PRDM13: variants seen among roughly 807,000 people sequenced by gnomAD.
The protein encoded by PRDM13 is PR domain zinc finger protein 13.
In PRDM13, 15 loss-of-function variants were observed where a neutral mutation model predicts 36.4. The ratio of observed to expected loss-of-function variants is 0.41; its 90% CI spans 0.28 to 0.64. PRDM13 has a LOEUF of 0.64. PRDM13 is among the 30% of genes least tolerant of loss of function. The pLI is 0.29. For synonymous variants in PRDM13, 531 were observed against 467.7 expected (o/e 1.14, Z -1.75); for missense variants, 1,044 against 1,013.5 (o/e 1.03, Z -0.41).
rs754692246 is a variant in PRDM13 at position 99,613,848 on chromosome 6, G to C, written c.1213G>C (p.Val405Leu). The stretch of plus-strand genomic sequence containing the variant: ...GGAAGAGGCGTCCGCCTTCAAGCAC[G>C]TGGAGCGCGCCCCGCCCGCAGCCGC... ...PPEEASAFKHVERAPPAAAAL... is the reference protein window; with the variant it reads ...PPEEASAFKHLERAPPAAAAL... Residue 405 changes from valine to leucine, a missense_variant, in exon 4 of 4, where the codon GTG becomes CTG. Physicochemically the swap from Val to Leu is conservative, Grantham distance 32. Coordinates refer to ENST00000369215, the MANE Select transcript of PRDM13 (RefSeq NM_021620.4). This position sits in a 1 kb window ranked among gnomAD's most constrained non-coding sequence, Gnocchi z 6.1. 6.6e-7 allele frequency: 1 copy of C among 1,510,068 alleles called. No individual in the cohort carries two copies. Among genetic ancestry groups the C allele is most frequent in the South Asian group, 1.2e-5 (1 of 81,068 alleles). 93.5% of individuals were successfully genotyped at this position (1,510,068 alleles called of 1,614,324 possible).
intron 1 of PRDM13, among the ~76,000 whole-genome samples, chr6:99,607,587 C>T (rs1424987667): frequency 6.6e-6 from 1 of 152,180 alleles, no homozygotes; most frequent in Non-Finnish European, 1.5e-5. Context: ...CCCTTCTGCC[C>T]TTCAATATGT....
chr6:99,613,580 G>C lies in PRDM13; in HGVS notation c.945G>C (p.Glu315Asp). Residue 315 changes from glutamate (E) to aspartate (D), a missense_variant, in exon 4 of 4, where the codon GAG (glutamate) becomes GAC (aspartate). By Grantham distance (45) the Glu-to-Asp change is conservative. This residue lies in a region of PRDM13 where 921 missense variants were observed against 865.2 expected (regional missense o/e 1.06). Coordinates refer to ENST00000369215, the MANE Select transcript of PRDM13 (RefSeq NM_021620.4). The surrounding 1 kb of genome is among the most constrained non-coding windows in gnomAD (Gnocchi z 6.1). ...CTCACGGCGACCCCTACCGGGAGGA[G>C]AGCAGCAGCAAGCAAGGAGCCGGCC... Reference protein sequence around the residue: ...AAAHGDPYREESSSKQGAGLA... With the variant: ...AAAHGDPYREDSSSKQGAGLA... 6.7e-7 allele frequency: 1 copy of C among 1,501,608 alleles called. No homozygotes were observed. The allele number at this position is 1,501,608 out of a possible 1,614,324, so 93.0% of individuals were successfully genotyped here. A position where few individuals can be genotyped will look rare whatever the true frequency, so the allele number is the denominator to read the frequency against.
Position 99,607,171 on chromosome 6 carries a change from A to G in PRDM13, c.137A>G (p.Lys46Arg), listed in dbSNP as rs1231532615. 1.2e-6 allele frequency: 2 copies of G among 1,613,656 alleles called. No individual in the cohort carries two copies. Among genetic ancestry groups the G allele is most frequent in the South Asian group, 1.1e-5 (1 of 91,056 alleles). Residue 46 changes from lysine (K) to arginine (R), a missense_variant, in exon 1 of 4, where the codon AAG becomes AGG. Transcript: ENST00000369215. ...YLSDRREPGPKKKVRMVRGEL... is the reference protein window; with the variant it reads ...YLSDRREPGPRKKVRMVRGEL... ...TCAGACCGCAGGGAGCCCGGGCCTA[A>G]GAAAAAGGTATTGACCATTCAGACC... is the stretch of plus-strand genomic sequence containing the variant.
chr6:99,614,023 C>T lies in PRDM13; in HGVS notation c.1388C>T (p.Thr463Ile). 1.9e-6 allele frequency: 3 copies of T among 1,610,472 alleles called. No homozygotes were observed. Among genetic ancestry groups the T allele is most frequent in the Non-Finnish European group, 2.5e-6 (3 of 1,179,126 alleles). Residue 463 changes from threonine (T) to isoleucine (I), a missense_variant, in exon 4 of 4, where the codon ACA becomes ATA. Thr to Ile is a moderately conservative substitution (Grantham distance 89, BLOSUM62 -1). Transcript: ENST00000369215. Reference protein sequence around the residue: ...SHLPAVMPAFTVYNGELLYGS... With the variant: ...SHLPAVMPAFIVYNGELLYGS... ...CTGCCCGCCGTCATGCCGGCCTTTA[C>T]AGTCTACAACGGGGAGCTGCTCTAC...
Position 99,615,035 on chromosome 6 carries a change from C to A in PRDM13, c.*276C>A. On this transcript the variant is annotated 3_prime_UTR_variant, in exon 4 of 4. Coordinates refer to ENST00000369215, the MANE Select transcript of PRDM13 (RefSeq NM_021620.4). The stretch of plus-strand genomic sequence containing the variant: ...CTCTGGACTTCTTGGATGAGCTCAC[C>A]CTGAACCGCCCAGGCGGTCTGCTCT... The A allele has an allele frequency of 2.0e-6, 1 of 497,790 alleles. No homozygotes were observed. Among genetic ancestry groups the A allele is most frequent in the Non-Finnish European group, 3.5e-6 (1 of 285,768 alleles). The allele number at this position is 497,790 out of a possible 1,614,324, so 30.8% of individuals were successfully genotyped here.
rs577768379 is a variant in PRDM13 at position 99,613,748 on chromosome 6, C to CCAG, written c.1114_1115insAGC (p.Asp371_Pro372insGln). The CCAG allele has an allele frequency of 6.8e-7, 1 of 1,475,892 alleles. No homozygotes were observed. Among genetic ancestry groups the CCAG allele is most frequent in the South Asian group, 1.3e-5 (1 of 78,602 alleles). 91.4% of individuals were successfully genotyped at this position (1,475,892 alleles called of 1,614,324 possible). ...ATCCCAAGTGCCTGCTCGCTGGGGA[C>CCAG]CCGCCGCCGCCGCCGCCGCCTGGCC... On this transcript the variant is annotated inframe_insertion, in exon 4 of 4. Transcript: ENST00000369215. The surrounding 1 kb of genome is among the most constrained non-coding windows in gnomAD (Gnocchi z 6.1).
In PRDM13 at chr6:99,613,740, G is replaced by T. The variant is rs560495179; in HGVS notation, c.1105G>T (p.Ala369Ser). ...HHHHHPKCLL[A>S]GDPPPPPPPG... ...CCACCACCATCCCAAGTGCCTGCTC[G>T]CTGGGGACCCGCCGCCGCCGCCGCC... Residue 369 changes from alanine (A) to serine (S), a missense_variant, in exon 4 of 4, where the codon GCT becomes TCT. This residue lies in a region of PRDM13 where 921 missense variants were observed against 865.2 expected (regional missense o/e 1.06). Transcript: ENST00000369215. The surrounding 1 kb of genome is among the most constrained non-coding windows in gnomAD (Gnocchi z 6.1). 19 of 1,485,734 alleles carry T rather than the reference G, an allele frequency of 1.3e-5. No homozygotes were observed. The highest frequency in any genetic ancestry group is 1.6e-5 in the Non-Finnish European group (18 of 1,126,602). 92.0% of individuals were successfully genotyped at this position (1,485,734 alleles called of 1,614,324 possible).
At chr6:99,607,273 T>C (rs1478224603) in intron 1 of PRDM13, 95 bp downstream of exon 1, 1 of 1,531,122 alleles carries the variant, frequency 6.5e-7, no homozygotes, top group East Asian at 2.3e-5. Flanking sequence ...AGGGAGTGAT[T>C]GAGTCGTTAC....
chr6:99,613,224 C>T lies in PRDM13; in HGVS notation c.589C>T (p.Pro197Ser). 1 of 1,611,552 alleles carries T rather than the reference C, an allele frequency of 6.2e-7. No homozygotes were observed. Among genetic ancestry groups the T allele is most frequent in the East Asian group, 2.2e-5 (1 of 44,864 alleles). The change falls in exon 4 of 4, where the codon CCC becomes TCC. Residue 197 changes from proline (P) to serine (S), a missense_variant. By Grantham distance (74) the Pro-to-Ser change is moderately conservative. This residue lies in a region of PRDM13 where 921 missense variants were observed against 865.2 expected (regional missense o/e 1.06). Transcript: ENST00000369215. This position sits in a 1 kb window ranked among gnomAD's most constrained non-coding sequence, Gnocchi z 6.1. The stretch of plus-strand genomic sequence containing the variant: ...CGGTCTCTCCCCAAAACCCCCGGCG[C>T]CCGATTTCGCCGCGCCTTCCCAGGC... ...GLGLSPKPPAPDFAAPSQAGT... is the reference protein window; with the variant it reads ...GLGLSPKPPASDFAAPSQAGT...
At chr6:99,609,879 T>C (rs1770007038) in intron 3 of PRDM13, among the ~76,000 whole-genome samples, 1 of 149,696 alleles carries the variant, frequency 6.7e-6, no homozygotes, top group Admixed American at 6.6e-5. Context: ...AGTGAGACCC[T>C]GTCTCAAAAT....
Position 99,614,378 on chromosome 6 carries a change from G to A in PRDM13, c.1743G>A (p.Leu581=), listed in dbSNP as rs1436539154. ...ACCTGTGCCTCTACTGTGGCAAGCT[G>A]TACTCGCGCAAGTATGGGCTCAAGA... ...TGHLCLYCGK[L]YSRKYGLKIH... is the part of the protein sequence containing the mutation. The change falls in exon 4 of 4, where the codon CTG becomes CTA. Residue 581 remains leucine (L), a synonymous_variant. Transcript: ENST00000369215. 4 of 1,613,198 alleles carry A rather than the reference G, an allele frequency of 2.5e-6. No homozygotes were observed. Among genetic ancestry groups the A allele is most frequent in the Non-Finnish European group, 3.4e-6 (4 of 1,179,954 alleles).
At chr6:99,611,391 A>G (rs1185495833) in intron 3 of PRDM13, among the ~76,000 whole-genome samples, 3 of 152,194 alleles carry the variant, frequency 2.0e-5, no homozygotes, top group Non-Finnish European at 2.9e-5. Flanking sequence ...GTTATTTAAG[A>G]CAACATACCC....
At chr6:99,608,923 C>T in intron 2 of PRDM13, 51 bp downstream of exon 2, 1 of 1,584,384 alleles carries the variant, frequency 6.3e-7, no homozygotes, top group Non-Finnish European at 8.6e-7. Context: ...CCAATTCAGT[C>T]TACCTAACCG....
Position 99,615,102 on chromosome 6 carries a change from CG to C in PRDM13, c.*344del, listed in dbSNP as rs1397662545. ...ATCAATGCGAACGTCACAGCGCCTT[CG>C]AGGGCGCAGATTTTAACTGCCACGT... On this transcript the variant is annotated 3_prime_UTR_variant, in exon 4 of 4. Coordinates refer to ENST00000369215, the MANE Select transcript of PRDM13 (RefSeq NM_021620.4). 1 of 319,526 alleles carries C rather than the reference CG, an allele frequency of 3.1e-6. No homozygotes were observed. The allele number at this position is 319,526 out of a possible 1,614,324, so 19.8% of individuals were successfully genotyped here. A position where few individuals can be genotyped will look rare whatever the true frequency, so the allele number is the denominator to read the frequency against.
chr6:99,607,544 T>G (rs1644036445), intron 1 of PRDM13, among the ~76,000 whole-genome samples: 1 of 152,182 alleles, frequency 6.6e-6, no homozygotes, highest in Non-Finnish European at 1.5e-5. Flanking sequence ...AGCACCCTCT[T>G]TCTGGGGGCT....
In PRDM13 at chr6:99,614,445, A is replaced by G. The variant is rs1248403278; in HGVS notation, c.1810A>G (p.Lys604Glu). The change falls in exon 4 of 4, where the codon AAA (lysine) becomes GAA (glutamate). Residue 604 changes from lysine (K) to glutamate (E), a missense_variant. This residue lies in a region of PRDM13 where 921 missense variants were observed against 865.2 expected (regional missense o/e 1.06). Coordinates refer to ENST00000369215, the MANE Select transcript of PRDM13 (RefSeq NM_021620.4). ...THTGYKPLKC[K>E]VCLRPFGDPS... ...CACGGGCTACAAGCCACTCAAGTGC[A>G]AAGTCTGTCTGCGGCCCTTCGGCGA... is the stretch of plus-strand genomic sequence containing the variant. The G allele has an allele frequency of 2.2e-5, 36 of 1,613,520 alleles. No individual in the cohort carries two copies. Among genetic ancestry groups the G allele is most frequent in the Non-Finnish European group, 2.9e-5 (34 of 1,180,022 alleles).
At chr6:99,609,085 G>T in intron 2 of PRDM13, 102 bp from the exon 3 acceptor site, 2 of 1,466,308 alleles carry the variant, frequency 1.4e-6, no homozygotes, top group South Asian at 2.7e-5. Context: ...CTTCTCCAGG[G>T]TCACACAGCA....
At chr6:99,609,748 C>T (rs1000644538) in intron 3 of PRDM13, among the ~76,000 whole-genome samples, 7 of 151,840 alleles carry the variant, frequency 4.6e-5, no homozygotes, top group Non-Finnish European at 7.4e-5. Flanking sequence ...TAGCCAGGTG[C>T]GGCGGTACAT....
Position 99,611,412 on chromosome 6 carries a change from C to G in PRDM13, c.398-1621C>G, listed in dbSNP as rs146779530. On this transcript the variant is annotated intron_variant, in intron 3 of 3. Transcript: ENST00000369215. ...TAAGACAACATACCCACCAAGAGAACCCAGGAGGTCTATTCTCTCTTTTTT... is the reference window on the plus strand; with the variant it reads ...TAAGACAACATACCCACCAAGAGAAGCCAGGAGGTCTATTCTCTCTTTTTT... Among the ~76,000 whole-genome samples, 6 of 152,218 alleles carry G rather than the reference C, an allele frequency of 3.9e-5. No homozygotes were observed. In the East Asian group the frequency reaches 1.2e-3, roughly 29 times the overall value.
Sources: allele counts gnomAD v4.1 joint callset (sites outside exome capture counted in the v4.1 genomes callset), GRCh38; gene constraint gnomAD v4.1.1; regional missense constraint gnomAD v4.1.1; non-coding constraint Gnocchi (gnomAD v3.1); transcripts MANE v1.5; gene names NCBI Gene and HGNC (gene_info 2026-07-23, HGNC 2026-07-21).